The following RAD51B variants were observed in gnomAD, a reference collection of about 807,000 sequenced individuals.
RAD51B encodes the protein DNA repair protein RAD51 homolog 2.
A neutral mutation model predicts 42.2 loss-of-function variants in RAD51B; 38 were observed. The ratio of observed to expected loss-of-function variants is 0.90; its 90% CI spans 0.70 to 1.18. The LOEUF is 1.18. Among genes scored for constraint, RAD51B ranks in the 50% most tolerant of loss-of-function variants. The pLI is 0.00. For synonymous variants in RAD51B, 154 were observed against 145.2 expected, an observed-to-expected ratio of 1.06 and a Z score of -0.43; for missense variants, 373 against 400.7, an observed-to-expected ratio of 0.93 and a Z score of 0.59.
At chr14:68,492,173 T>C (rs1303052464) in intron 10 of RAD51B, among the ~76,000 whole-genome samples, 1 of 152,212 alleles carries the variant, frequency 6.6e-6, no homozygotes, top group African/African-American at 2.4e-5. Context: ...CTTTAAGTTT[T>C]TGCTAAAATA....
intron 10 of RAD51B, among the ~76,000 whole-genome samples, chr14:68,507,808 A>G (rs1002893364): frequency 6.6e-6 from 1 of 152,172 alleles, no homozygotes; most frequent in Non-Finnish European, 1.5e-5. Flanking sequence ...GTTCACGTTC[A>G]TGTTATAGTC....
At chr14:68,045,472 G>A (rs376079297) in intron 7 of RAD51B, among the ~76,000 whole-genome samples, 16 of 151,920 alleles carry the variant, frequency 1.1e-4, no homozygotes, top group East Asian at 3.9e-4. Context: ...ATTTAATTCC[G>A]TATCTTAATA....
At chr14:68,221,192 A>G (rs573898884) in intron 7 of RAD51B, among the ~76,000 whole-genome samples, 2 of 152,282 alleles carry the variant, frequency 1.3e-5, no homozygotes, top group East Asian at 3.9e-4. Flanking sequence ...ACTAGAAAAA[A>G]CAATCCTGAA....
At chr14:68,018,268 A>T (rs940651656) in intron 7 of RAD51B, among the ~76,000 whole-genome samples, 1 of 152,212 alleles carries the variant, frequency 6.6e-6, no homozygotes, top group African/African-American at 2.4e-5. Flanking sequence ...CTTTTTAATC[A>T]GTAATTGGTT....
intron 10 of RAD51B, among the ~76,000 whole-genome samples, chr14:68,538,629 C>CT (rs111736571): frequency 6.3e-3 from 890 of 141,130 alleles, no homozygotes; most frequent in African/African-American, 8.3e-3. Context: ...TAGCACACCG[C>CT]TTTTTTTTTT....
At chr14:68,444,810 G>A (rs2085384484) in intron 9 of RAD51B, among the ~76,000 whole-genome samples, 2 of 152,148 alleles carry the variant, frequency 1.3e-5, no homozygotes, top group African/African-American at 2.4e-5. Flanking sequence ...GGTGATGGGG[G>A]GGCATATTTC....
At chr14:68,071,491 C>A (rs1362039503) in intron 7 of RAD51B, among the ~76,000 whole-genome samples, 2 of 152,054 alleles carry the variant, frequency 1.3e-5, no homozygotes, top group Non-Finnish European at 2.9e-5. Context: ...TTATATAAAG[C>A]CTTTCTTGCG....
intron 11 of RAD51B, among the ~76,000 whole-genome samples, chr14:68,673,999 A>G (rs1011423208): frequency 2.0e-5 from 3 of 152,136 alleles, no homozygotes; most frequent in Admixed American, 2.0e-4. Flanking sequence ...ACACATATAT[A>G]TACATCCACA....
intron 10 of RAD51B, among the ~76,000 whole-genome samples, chr14:68,522,478 C>G (rs1566924870): frequency 6.6e-6 from 1 of 152,288 alleles, no homozygotes; most frequent in East Asian, 1.9e-4. Context: ...GAATTCCTCC[C>G]TCTCTGGAAT....
intron 9 of RAD51B, among the ~76,000 whole-genome samples, chr14:68,434,243 T>G (rs1202890135): frequency 6.6e-6 from 1 of 152,216 alleles, no homozygotes; most frequent in Non-Finnish European, 1.5e-5. Flanking sequence ...AACTCTGTGC[T>G]GGGAGAACCA....
chr14:68,666,438 A>C (rs1023714103), intron 11 of RAD51B, among the ~76,000 whole-genome samples: 1 of 152,210 alleles, frequency 6.6e-6, no homozygotes, highest in Non-Finnish European at 1.5e-5. Context: ...CCAGCAATAG[A>C]TCTGTACTTT....
chr14:68,189,125 A>G (rs2079213862), intron 7 of RAD51B, among the ~76,000 whole-genome samples: 1 of 151,916 alleles, frequency 6.6e-6, no homozygotes, highest in Admixed American at 6.6e-5. Context: ...TTTTACAATA[A>G]TTAATATTAT....
At chr14:68,645,527 C>G (rs531210589) in intron 10 of RAD51B, among the ~76,000 whole-genome samples, 44 of 152,310 alleles carry the variant, frequency 2.9e-4, no homozygotes, top group Non-Finnish European at 5.9e-4. Context: ...AGTGGAATTG[C>G]TGGATTCTAA....
At chr14:67,849,303 T>C (rs1243038496) in intron 4 of RAD51B, among the ~76,000 whole-genome samples, 1 of 152,190 alleles carries the variant, frequency 6.6e-6, no homozygotes, top group African/African-American at 2.4e-5. Context: ...TCCTTTGAGA[T>C]GGAGTTTTGC....
At chr14:68,135,428 C>G (rs1280587953) in intron 7 of RAD51B, among the ~76,000 whole-genome samples, 1 of 152,098 alleles carries the variant, frequency 6.6e-6, no homozygotes, top group African/African-American at 2.4e-5. Flanking sequence ...CTTTTGGCAG[C>G]CCATTTGTTC....
chr14:68,069,708 C>T (rs1332127200), intron 7 of RAD51B: 1 of 152,014 alleles, frequency 6.6e-6, no homozygotes, highest in African/African-American at 2.4e-5. Flanking sequence ...GGGTTGATTC[C>T]ATGTCTTTGC....
At chr14:68,400,015 C>A (rs2084051612) in intron 8 of RAD51B, among the ~76,000 whole-genome samples, 1 of 152,162 alleles carries the variant, frequency 6.6e-6, no homozygotes, top group Non-Finnish European at 1.5e-5. Context: ...CTTTTCTCTT[C>A]TGTTCTTACT....
At chr14:68,537,801 T>G (rs545873007) in intron 10 of RAD51B, among the ~76,000 whole-genome samples, 14 of 149,240 alleles carry the variant, frequency 9.4e-5, no homozygotes, top group African/African-American at 3.6e-4. Context: ...TTTCATTTCT[T>G]TATTTATTAG....
intron 7 of RAD51B, among the ~76,000 whole-genome samples, chr14:68,199,587 CT>C: frequency 6.6e-6 from 1 of 152,182 alleles, no homozygotes; most frequent in Non-Finnish European, 1.5e-5. Context: ...CAGTTATTTG[CT>C]TTAGGTTCAG....
Sources: allele counts gnomAD v4.1 joint callset (sites outside exome capture counted in the v4.1 genomes callset), GRCh38; gene constraint gnomAD v4.1.1; transcripts MANE v1.5; gene names NCBI Gene and HGNC (gene_info 2026-07-23, HGNC 2026-07-21).